The following EBF2 variants were observed in gnomAD, a reference collection of about 807,000 sequenced individuals.
EBF2 encodes the protein transcription factor COE2.
Under a neutral mutation model 72.8 loss-of-function variants are expected in EBF2, and 21 were observed. The observed-to-expected ratio is 0.29, with a 90% CI of 0.20 to 0.42. EBF2 has a LOEUF of 0.42. Among genes scored for constraint, EBF2 ranks in the 10% least tolerant of loss-of-function variants. The pLI is 1.00. For missense variants in EBF2, 637 were observed against 731.2 expected (o/e 0.87, Z 1.49); for synonymous variants, 299 against 274.2 (o/e 1.09, Z -0.89).
chr8:25,888,978 A>G (rs779230029), intron 8 of EBF2, among the ~76,000 whole-genome samples: 1 of 152,138 alleles, frequency 6.6e-6, no homozygotes, highest in African/African-American at 2.4e-5. Flanking sequence ...TTCTTTACTG[A>G]TTCAATCATT....
At chr8:25,845,545 C>T (rs1801815542) in intron 15 of EBF2, among the ~76,000 whole-genome samples, 1 of 152,190 alleles carries the variant, frequency 6.6e-6, no homozygotes. Flanking sequence ...TACTCTTCAT[C>T]ACCCTATATG....
intron 10 of EBF2, among the ~76,000 whole-genome samples, chr8:25,865,858 T>C (rs570551786): frequency 6.6e-6 from 1 of 151,916 alleles, no homozygotes; most frequent in Admixed American, 6.5e-5. Flanking sequence ...ACCCCATCTC[T>C]ACTGAAAATA....
At chr8:26,017,601 C>T (rs578159269) in intron 6 of EBF2, among the ~76,000 whole-genome samples, 3 of 152,100 alleles carry the variant, frequency 2.0e-5, no homozygotes, top group East Asian at 3.9e-4. Flanking sequence ...TTTTATAGTC[C>T]GCTTGCTTTT....
chr8:25,950,540 C>T (rs772838276), intron 6 of EBF2, among the ~76,000 whole-genome samples: 1 of 152,188 alleles, frequency 6.6e-6, no homozygotes. Flanking sequence ...CTCATCCAGT[C>T]GCATCAAAGA....
At chr8:25,926,252 G>C (rs1016061871) in intron 6 of EBF2, among the ~76,000 whole-genome samples, 5 of 152,106 alleles carry the variant, frequency 3.3e-5, no homozygotes, top group African/African-American at 7.2e-5. Flanking sequence ...GAGGGTTTCT[G>C]TGTATTCTCT....
chr8:25,859,697 AAAT>A (rs780270282), intron 13 of EBF2, among the ~76,000 whole-genome samples: 43 of 152,022 alleles, frequency 2.8e-4, no homozygotes, highest in African/African-American at 6.0e-4. Flanking sequence ...ACAGAAACAA[AAAT>A]AATAATATGT....
chr8:25,932,237 A>G (rs1309543396), intron 6 of EBF2, among the ~76,000 whole-genome samples: 1 of 152,090 alleles, frequency 6.6e-6, no homozygotes, highest in Non-Finnish European at 1.5e-5. Flanking sequence ...TAAAAATGAG[A>G]GGTTTATGAT....
At chr8:25,957,369 T>G (rs770854705) in intron 6 of EBF2, among the ~76,000 whole-genome samples, 14 of 152,020 alleles carry the variant, frequency 9.2e-5, no homozygotes, top group Non-Finnish European at 1.5e-5. Context: ...ATTGGGAAAA[T>G]GACAAATTGA....
chr8:25,878,496 A>C (rs978168566), intron 10 of EBF2, among the ~76,000 whole-genome samples: 3 of 152,184 alleles, frequency 2.0e-5, no homozygotes, highest in African/African-American at 7.2e-5. Flanking sequence ...ATGAAGACGA[A>C]ATTGGCTTTT....
At chr8:25,945,994 T>G (rs1803762966) in intron 6 of EBF2, among the ~76,000 whole-genome samples, 1 of 152,182 alleles carries the variant, frequency 6.6e-6, no homozygotes, top group Admixed American at 6.5e-5. Flanking sequence ...AGCTACCACC[T>G]AGGCAGTCTG....
chr8:25,842,016 C>G lies in EBF2; in HGVS notation c.*2593G>C, dbSNP rs1801751850. 6.6e-6 allele frequency: 1 copy of G among 152,006 alleles called. No individual in the cohort carries two copies. The highest frequency in any genetic ancestry group is 1.5e-5 in the Non-Finnish European group (1 of 68,004). 9.4% of individuals were successfully genotyped at this position (152,006 alleles called of 1,614,324 possible). A position where few individuals can be genotyped will look rare whatever the true frequency, so the allele number is the denominator to read the frequency against. On this transcript the variant is annotated 3_prime_UTR_variant, in exon 16 of 16. Transcript: ENST00000520164. ...GCATATTGAAATGTGCAAAGAAAAA[C>G]TGAGAAGAATTACAACGCTATAACA...
chr8:25,922,498 G>A (rs1803320603), intron 6 of EBF2, among the ~76,000 whole-genome samples: 2 of 152,198 alleles, frequency 1.3e-5, no homozygotes, highest in Admixed American at 6.5e-5. Flanking sequence ...GAAAAAGAAT[G>A]TGGGGCTTTT....
intron 6 of EBF2, among the ~76,000 whole-genome samples, chr8:25,991,125 G>A (rs1333421060): frequency 6.6e-6 from 1 of 152,098 alleles, no homozygotes; most frequent in Non-Finnish European, 1.5e-5. Context: ...AAAAAAAAAG[G>A]AGATGCTGTT....
In EBF2 at chr8:25,844,484, G is replaced by T; in HGVS notation, c.*125C>A. ...CCAAGTAAGATGCTGGCTCCTTGCAGACCCAAGGGTGTCCATCATGTTCAT... is the reference window on the plus strand; with the variant it reads ...CCAAGTAAGATGCTGGCTCCTTGCATACCCAAGGGTGTCCATCATGTTCAT... On this transcript the variant is annotated 3_prime_UTR_variant, in exon 16 of 16. Transcript: ENST00000520164. The T allele has an allele frequency of 1.8e-6, 2 of 1,104,160 alleles. No homozygotes were observed. The highest frequency in any genetic ancestry group is 2.7e-6 in the Non-Finnish European group (2 of 736,078). 68.4% of individuals were successfully genotyped at this position (1,104,160 alleles called of 1,614,324 possible). A position where few individuals can be genotyped will look rare whatever the true frequency, so the allele number is the denominator to read the frequency against.
chr8:25,959,568 A>C (rs1542654), intron 6 of EBF2, among the ~76,000 whole-genome samples: 44,492 of 152,100 alleles, frequency 0.29, 6,742 homozygotes, highest in Middle Eastern at 0.39. Context: ...TTTTCTTCCC[A>C]TAGTGGGACT....
intron 6 of EBF2, among the ~76,000 whole-genome samples, chr8:25,936,187 T>A (rs1210360292): frequency 2.0e-5 from 3 of 152,220 alleles, no homozygotes; most frequent in Non-Finnish European, 4.4e-5. Context: ...GACATTATAC[T>A]AAAACTCTCC....
At chr8:26,018,253 G>C (rs1471310971) in intron 6 of EBF2, among the ~76,000 whole-genome samples, 1 of 151,490 alleles carries the variant, frequency 6.6e-6, no homozygotes, top group East Asian at 1.9e-4. Flanking sequence ...GTGGAAGATG[G>C]GAGCCAGAGG....
At chr8:26,023,209 T>C (rs1585231535) in intron 6 of EBF2, among the ~76,000 whole-genome samples, 1 of 152,174 alleles carries the variant, frequency 6.6e-6, no homozygotes, top group Admixed American at 6.5e-5. Flanking sequence ...AAATATATAG[T>C]CTTATCCTAA....
chr8:25,981,165 C>A (rs1242593511), intron 6 of EBF2, among the ~76,000 whole-genome samples: 1 of 152,198 alleles, frequency 6.6e-6, no homozygotes, highest in Admixed American at 6.5e-5. Flanking sequence ...CCTGTGCCAA[C>A]CACGCAGTGA....
Sources: gnomAD v4.1 joint callset for allele counts (sites outside exome capture counted in the v4.1 genomes callset) on GRCh38, gnomAD v4.1.1 for gene constraint, MANE v1.5 for transcripts, NCBI Gene and HGNC (gene_info 2026-07-23, HGNC 2026-07-21) for gene names.